The following JAKMIP1 variants were observed in gnomAD, a reference collection of about 807,000 sequenced individuals.
JAKMIP1 encodes janus kinase and microtubule-interacting protein 1.
JAKMIP1 carries 33 observed loss-of-function variants against 113.0 expected under a neutral mutation model. That is an observed-to-expected ratio of 0.29 (90% CI 0.22 to 0.39). The LOEUF (loss-of-function observed/expected upper bound fraction) is 0.39. Ranked by LOEUF, JAKMIP1 falls within the 10% of genes least tolerant of loss-of-function variation. The pLI is 1.00. For synonymous variants in JAKMIP1, 480 were observed against 459.9 expected (o/e 1.04, Z -0.56); for missense variants, 813 against 1,080.5 (o/e 0.75, Z 3.47).
At chr4:6,133,597 G>A (rs1445146857) in intron 1 of JAKMIP1, among the ~76,000 whole-genome samples, 1 of 152,188 alleles carries the variant, frequency 6.6e-6, no homozygotes, top group Admixed American at 6.5e-5. Flanking sequence ...AGTGGGTGGT[G>A]GGCAGGGGGC....
Position 6,109,194 on chromosome 4 carries a change from A to G in JAKMIP1, c.130-3227T>C, listed in dbSNP as rs895450406. On this transcript the variant is annotated intron_variant, in intron 2 of 20. Transcript: ENST00000409021. ...GTCCCCCAGGCTGGAGTGCAGTGGC[A>G]CGATCTTGGCTCACTGCAGGCTCTG... 6.0e-5 allele frequency among the ~76,000 whole-genome samples: 8 copies of G among 132,640 alleles called. No individual in the cohort carries two copies. The East Asian group carries it at 6.7e-4, about 11-fold the overall frequency. The allele number at this position is 132,640 out of a possible 152,430, so 87.0% of individuals were successfully genotyped here. A position where few individuals can be genotyped will look rare whatever the true frequency, so the allele number is the denominator to read the frequency against.
intron 8 of JAKMIP1, chr4:6,070,148 G>C: frequency 7.5e-6 from 3 of 398,802 alleles, no homozygotes; most frequent in Non-Finnish European, 1.3e-5. Flanking sequence ...ACAGCACAAA[G>C]AGGACATATT....
rs536011441 is a variant in JAKMIP1 at position 6,059,031 on chromosome 4, A to T, written c.1644+1393T>A. Among the ~76,000 whole-genome samples the T allele has an allele frequency of 3.9e-5, 6 of 152,206 alleles. No homozygotes were observed. The highest frequency in any genetic ancestry group is 8.8e-5 in the Non-Finnish European group (6 of 68,036). On this transcript the variant is annotated intron_variant, in intron 11 of 20. Coordinates refer to ENST00000409021, the MANE Select transcript of JAKMIP1 (RefSeq NM_001099433.2). This position sits in a 1 kb window ranked among gnomAD's most constrained non-coding sequence, Gnocchi z 4.8. ...CCCCATTTTAAAGATGAGGAAACGG[A>T]GGCACAAAGAGATTATGTTACTTGC...
rs1720272850 is a variant in JAKMIP1, at chr4:6,142,296, A to T, written c.-147-29299T>A. Among the ~76,000 whole-genome samples, 1 of 152,280 alleles carries T rather than the reference A, an allele frequency of 6.6e-6. No individual in the cohort carries two copies. Among genetic ancestry groups the T allele is most frequent in the Middle Eastern group, 3.4e-3 (1 of 294 alleles). ...CTGGCCAAACGCTGCAAAGTTTCGA[A>T]GAGGCTCGTACCCATGTATGCCCGC... is the stretch of plus-strand genomic sequence containing the variant. On this transcript the variant is annotated intron_variant, in intron 1 of 20. Coordinates refer to ENST00000409021, the MANE Select transcript of JAKMIP1 (RefSeq NM_001099433.2). The surrounding 1 kb of genome is among the most constrained non-coding windows in gnomAD (Gnocchi z 5.5).
chr4:6,160,782 C>T (rs564166270), intron 1 of JAKMIP1, among the ~76,000 whole-genome samples: 47 of 152,228 alleles, frequency 3.1e-4, no homozygotes, highest in African/African-American at 6.3e-4. Context: ...CTTTCCTGCG[C>T]GGGGGCTTCA....
In JAKMIP1 at chr4:6,136,688, T is replaced by G. The variant is rs1260839388; in HGVS notation, c.-147-23691A>C. On this transcript the variant is annotated intron_variant, in intron 1 of 20. Coordinates refer to ENST00000409021, the MANE Select transcript of JAKMIP1 (RefSeq NM_001099433.2). The surrounding 1 kb of genome is among the most constrained non-coding windows in gnomAD (Gnocchi z 5.9). Reference sequence around the variant, plus strand: ...CCCAGTCAGGAGCCACACTAAAGAATCTGGAATTCCAAGAAATGGCCTGCC... The same window carrying G: ...CCCAGTCAGGAGCCACACTAAAGAAGCTGGAATTCCAAGAAATGGCCTGCC... Among the ~76,000 whole-genome samples the G allele has an allele frequency of 6.6e-6, 1 of 152,136 alleles. No homozygotes were observed. Among genetic ancestry groups the G allele is most frequent in the Non-Finnish European group, 1.5e-5 (1 of 68,026 alleles).
At position 6,179,189 on chromosome 4, in the gene JAKMIP1, C is replaced by A. The variant is rs937528942; in HGVS notation, c.-148+21064G>T. ...TCCCATGCCACCTTTGCTGAAACCA[C>A]CTGGGCAGCCCTATGTGGCTGGAGA... On this transcript the variant is annotated intron_variant, in intron 1 of 20. Coordinates refer to ENST00000409021, the MANE Select transcript of JAKMIP1 (RefSeq NM_001099433.2). This position sits in a 1 kb window ranked among gnomAD's most constrained non-coding sequence, Gnocchi z 4.5. Among the ~76,000 whole-genome samples the A allele has an allele frequency of 3.3e-5, 5 of 152,192 alleles. No individual in the cohort carries two copies. Among genetic ancestry groups the A allele is most frequent in the African/African-American group, 1.2e-4 (5 of 41,432 alleles).
Position 6,061,064 on chromosome 4 carries a change from G to A in JAKMIP1, c.1561-557C>T, listed in dbSNP as rs776652222. Among the ~76,000 whole-genome samples, 9 of 152,196 alleles carry A rather than the reference G, an allele frequency of 5.9e-5. No individual in the cohort carries two copies. Among genetic ancestry groups the A allele is most frequent in the Non-Finnish European group, 1.3e-4 (9 of 68,030 alleles). On this transcript the variant is annotated intron_variant, in intron 10 of 20. Coordinates refer to ENST00000409021, the MANE Select transcript of JAKMIP1 (RefSeq NM_001099433.2). The surrounding 1 kb of genome is among the most constrained non-coding windows in gnomAD (Gnocchi z 5.3). The stretch of plus-strand genomic sequence containing the variant: ...GTGGTGGGGACTGTGGCAAGCCAGA[G>A]GCACACGTCCCATCTCAGGGAGACA...
In JAKMIP1 at chr4:6,186,246, C is replaced by A. The variant is rs921515737; in HGVS notation, c.-148+14007G>T. ...GGGCAGGATGCAGACTGAGGAGGCACAGCAGGGTGGGGAAGTCCAAGGAAT... is the reference window on the plus strand; with the variant it reads ...GGGCAGGATGCAGACTGAGGAGGCAAAGCAGGGTGGGGAAGTCCAAGGAAT... On this transcript the variant is annotated intron_variant, in intron 1 of 20. Coordinates refer to ENST00000409021, the MANE Select transcript of JAKMIP1 (RefSeq NM_001099433.2). The surrounding 1 kb of genome is among the most constrained non-coding windows in gnomAD (Gnocchi z 5.5). Among the ~76,000 whole-genome samples the A allele has an allele frequency of 1.3e-5, 2 of 152,084 alleles. No homozygotes were observed. The highest frequency in any genetic ancestry group is 4.8e-5 in the African/African-American group (2 of 41,396).
chr4:6,182,867 C>A (rs1726202566), intron 1 of JAKMIP1, among the ~76,000 whole-genome samples: 1 of 152,182 alleles, frequency 6.6e-6, no homozygotes, highest in Non-Finnish European at 1.5e-5. Flanking sequence ...AACTCCACAG[C>A]CATCCCGAGG....
chr4:6,030,557 T>G (rs1712491658), intron 19 of JAKMIP1, among the ~76,000 whole-genome samples: 2 of 152,176 alleles, frequency 1.3e-5, no homozygotes, highest in Admixed American at 6.5e-5. Context: ...GATCTTCATG[T>G]GCTCACAGGG....
At chr4:6,036,628 C>T (rs559624374) in intron 18 of JAKMIP1, among the ~76,000 whole-genome samples, 60 of 152,298 alleles carry the variant, frequency 3.9e-4, no homozygotes, top group African/African-American at 1.3e-3. Context: ...GCAAGCCACC[C>T]TTTTTGGCAA....
Position 6,180,552 on chromosome 4 carries a change from G to C in JAKMIP1, c.-148+19701C>G, listed in dbSNP as rs188184098. Among the ~76,000 whole-genome samples the C allele has an allele frequency of 6.6e-6, 1 of 152,290 alleles. No homozygotes were observed. The highest frequency in any genetic ancestry group is 1.5e-5 in the Non-Finnish European group (1 of 68,028). On this transcript the variant is annotated intron_variant, in intron 1 of 20. Transcript: ENST00000409021. This position sits in a 1 kb window ranked among gnomAD's most constrained non-coding sequence, Gnocchi z 4.5. ...CTACAATTCAACAAACATGCACCAA[G>C]TAATAAGTCACCATTTATATAGCTC...
intron 1 of JAKMIP1, among the ~76,000 whole-genome samples, chr4:6,177,218 G>A (rs1725443829): frequency 6.6e-6 from 1 of 152,172 alleles, no homozygotes; most frequent in African/African-American, 2.4e-5. Context: ...TTGATGTAGA[G>A]AAGAAGTGAG....
intron 8 of JAKMIP1, among the ~76,000 whole-genome samples, chr4:6,066,716 C>A (rs1427521832): frequency 6.6e-6 from 1 of 152,086 alleles, no homozygotes; most frequent in Non-Finnish European, 1.5e-5. Flanking sequence ...AACTCAAAAT[C>A]CAGCCCTCTC....
chr4:6,173,933 T>A (rs1271668140), intron 1 of JAKMIP1, among the ~76,000 whole-genome samples: 1 of 149,742 alleles, frequency 6.7e-6, no homozygotes, highest in South Asian at 2.1e-4. Flanking sequence ...AAAAAAAAAT[T>A]TAGCCAGGAA....
intron 2 of JAKMIP1, among the ~76,000 whole-genome samples, chr4:6,107,172 T>G (rs1714094905): frequency 6.6e-6 from 1 of 152,192 alleles, no homozygotes; most frequent in South Asian, 2.1e-4. Flanking sequence ...TCCTAGTGGA[T>G]TTAGCAGCAG....
At chr4:6,152,394 C>G (rs980205868) in intron 1 of JAKMIP1, among the ~76,000 whole-genome samples, 1 of 152,124 alleles carries the variant, frequency 6.6e-6, no homozygotes, top group Admixed American at 6.5e-5. Context: ...CCGCCCTCAC[C>G]CAGCCCCACC....
intron 1 of JAKMIP1, among the ~76,000 whole-genome samples, chr4:6,191,495 C>A (rs1318438011): frequency 6.6e-6 from 1 of 152,246 alleles, no homozygotes; most frequent in Non-Finnish European, 1.5e-5. Flanking sequence ...ATCCTCGCAG[C>A]GCACAAGGTG....
Sources: gnomAD v4.1 joint callset for allele counts (sites outside exome capture counted in the v4.1 genomes callset) on GRCh38, gnomAD v4.1.1 for gene constraint, Gnocchi (gnomAD v3.1) non-coding constraint, MANE v1.5 for transcripts, NCBI Gene and HGNC (gene_info 2026-07-23, HGNC 2026-07-21) for gene names.